The following ATP2B2 variants were observed in gnomAD, a reference collection of about 807,000 sequenced individuals.
ATP2B2 encodes ATPase plasma membrane Ca2+ transporting 2.
In ATP2B2, 15 loss-of-function variants were observed where a neutral mutation model predicts 120.0. The observed-to-expected ratio is 0.12, with a 90% CI of 0.08 to 0.19. ATP2B2 has a LOEUF of 0.19. Ranked by LOEUF, ATP2B2 falls within the 10% of genes least tolerant of loss-of-function variation. ATP2B2 has a pLI of 1.00. For synonymous variants in ATP2B2, 694 were observed against 700.3 expected, an observed-to-expected ratio of 0.99 and a Z score of 0.14; for missense variants, 1,045 against 1,719.8, an observed-to-expected ratio of 0.61 and a Z score of 6.94.
chr3:10,496,282 T>A (rs991707016), intron 1 of ATP2B2, among the ~76,000 whole-genome samples: 1 of 152,124 alleles, frequency 6.6e-6, no homozygotes, highest in Non-Finnish European at 1.5e-5. Context: ...TAGTCCTCCT[T>A]ACCGGTCTGC....
At chr3:10,363,315 A>G (rs1272842236) in intron 12 of ATP2B2, among the ~76,000 whole-genome samples, 1 of 152,148 alleles carries the variant, frequency 6.6e-6, no homozygotes. Flanking sequence ...GAGCCTTTTT[A>G]TCTCCAGGGC....
chr3:10,615,363 T>C (rs1409472599), intron 2 of ATP2B2, among the ~76,000 whole-genome samples: 1 of 152,074 alleles, frequency 6.6e-6, no homozygotes, highest in Admixed American at 6.5e-5. Context: ...CAGGAGTAGA[T>C]AGAAGACAAT....
intron 1 of ATP2B2, among the ~76,000 whole-genome samples, chr3:10,695,381 G>A (rs2071728238): frequency 6.6e-6 from 1 of 152,026 alleles, no homozygotes; most frequent in African/African-American, 2.4e-5. Context: ...CTGCTCCCAT[G>A]ATTCAATTAC....
At chr3:10,651,961 G>C (rs1037068067) in intron 1 of ATP2B2, among the ~76,000 whole-genome samples, 2 of 152,138 alleles carry the variant, frequency 1.3e-5, no homozygotes, top group African/African-American at 2.4e-5. Flanking sequence ...TTGTGAACTA[G>C]AAGAGAATGG....
chr3:10,556,199 C>T (rs986728496), intron 2 of ATP2B2, among the ~76,000 whole-genome samples: 1 of 152,230 alleles, frequency 6.6e-6, no homozygotes, highest in Non-Finnish European at 1.5e-5. Context: ...TGTGCTTGGC[C>T]AGAAGCCCAT....
intron 2 of ATP2B2, among the ~76,000 whole-genome samples, chr3:10,428,974 C>A (rs2063226016): frequency 6.6e-6 from 1 of 152,208 alleles, no homozygotes; most frequent in South Asian, 2.1e-4. Context: ...GATGATGCAT[C>A]ATGTCTCTCC....
chr3:10,589,994 C>T (rs1198612907), intron 2 of ATP2B2, among the ~76,000 whole-genome samples: 2 of 152,200 alleles, frequency 1.3e-5, no homozygotes, highest in Non-Finnish European at 2.9e-5. Context: ...CTCTATTCAT[C>T]ATTTCCCCAA....
intron 1 of ATP2B2, among the ~76,000 whole-genome samples, chr3:10,620,840 C>T (rs66761271): frequency 0.19 from 28,832 of 152,138 alleles, 2,983 homozygotes; most frequent in East Asian, 0.27. Flanking sequence ...CCAGCCACCT[C>T]CCTGGACACA....
At chr3:10,552,811 C>A (rs1173133211) in intron 2 of ATP2B2, among the ~76,000 whole-genome samples, 1 of 152,306 alleles carries the variant, frequency 6.6e-6, no homozygotes, top group Middle Eastern at 3.4e-3. Flanking sequence ...TGGAGAACAT[C>A]CAGGAAGTGC....
At chr3:10,589,530 G>A (rs2068593216) in intron 2 of ATP2B2, among the ~76,000 whole-genome samples, 1 of 152,228 alleles carries the variant, frequency 6.6e-6, no homozygotes, top group Non-Finnish European at 1.5e-5. Context: ...GAATGGCGCT[G>A]TGGGACAGGG....
In ATP2B2 at chr3:10,469,685, G is replaced by A. The variant is rs2287442; in HGVS notation, c.-319-19823C>T. ...AGTTTCTCTCTCTGAGCCTGACCACGTGCTCCATCTACAAAAATATCCCAG... is the reference window on the plus strand; with the variant it reads ...AGTTTCTCTCTCTGAGCCTGACCACATGCTCCATCTACAAAAATATCCCAG... On this transcript the variant is annotated intron_variant, in intron 1 of 22. Transcript: ENST00000360273. Among the ~76,000 whole-genome samples the A allele has an allele frequency of 2.1e-3, 319 of 152,288 alleles. 5 individuals carry two copies. In the South Asian group the frequency reaches 0.041, roughly 20 times the overall value.
At chr3:10,390,142 T>C (rs2124887818) in intron 5 of ATP2B2, among the ~76,000 whole-genome samples, 1 of 152,316 alleles carries the variant, frequency 6.6e-6, no homozygotes, top group African/African-American at 2.4e-5. Flanking sequence ...TTGACAGCCA[T>C]GACAGTGACT....
chr3:10,663,802 T>C (rs894422402), intron 1 of ATP2B2, among the ~76,000 whole-genome samples: 9 of 152,276 alleles, frequency 5.9e-5, no homozygotes, highest in Non-Finnish European at 1.2e-4. Context: ...CTTCCTGGCA[T>C]GGGGCTTCCC....
chr3:10,487,756 T>C (rs1323950633), intron 1 of ATP2B2, among the ~76,000 whole-genome samples: 1 of 152,180 alleles, frequency 6.6e-6, no homozygotes, highest in African/African-American at 2.4e-5. Context: ...GCTTGGGCCA[T>C]GGTGCCAGGC....
At chr3:10,468,578 T>G (rs909532758) in intron 1 of ATP2B2, among the ~76,000 whole-genome samples, 2 of 152,228 alleles carry the variant, frequency 1.3e-5, no homozygotes, top group African/African-American at 4.8e-5. Flanking sequence ...TTCATCATAG[T>G]GCAGCCTCCT....
chr3:10,576,925 G>A (rs1357221822), intron 2 of ATP2B2, among the ~76,000 whole-genome samples: 3 of 151,936 alleles, frequency 2.0e-5, no homozygotes, highest in Non-Finnish European at 4.4e-5. Flanking sequence ...ATGGTGGCGG[G>A]TGCCTGTAGT....
intron 2 of ATP2B2, among the ~76,000 whole-genome samples, chr3:10,568,083 C>T (rs1023901549): frequency 6.6e-6 from 1 of 152,168 alleles, no homozygotes; most frequent in Non-Finnish European, 1.5e-5. Context: ...TGTCCCTCAG[C>T]AGAGTTAAGA....
intron 2 of ATP2B2, among the ~76,000 whole-genome samples, chr3:10,608,668 C>T (rs2069147131): frequency 6.6e-6 from 1 of 152,194 alleles, no homozygotes; most frequent in South Asian, 2.1e-4. Context: ...AACTCTTACT[C>T]ATCTGCCAAG....
intron 1 of ATP2B2, among the ~76,000 whole-genome samples, chr3:10,636,702 C>T (rs986323441): frequency 6.6e-6 from 1 of 152,102 alleles, no homozygotes; most frequent in Non-Finnish European, 1.5e-5. Flanking sequence ...CAGTGATTGC[C>T]CCAAACACTG....
Sources: gnomAD v4.1 joint callset for allele counts (sites outside exome capture counted in the v4.1 genomes callset) on GRCh38, gnomAD v4.1.1 for gene constraint, MANE v1.5 for transcripts, NCBI Gene and HGNC (gene_info 2026-07-23, HGNC 2026-07-21) for gene names.